Variants in GCLC observed in about 807,000 individuals in gnomAD.
GCLC encodes glutamate-cysteine ligase catalytic subunit.
GCLC carries 30 observed loss-of-function variants against 81.5 expected under a neutral mutation model. That is an observed-to-expected ratio of 0.37 (90% CI 0.28 to 0.50). The LOEUF (loss-of-function observed/expected upper bound fraction) is 0.50, where lower values mean the gene tolerates loss of function less well. Ranked by LOEUF, GCLC falls within the 20% of genes least tolerant of loss-of-function variation. The probability of loss-of-function intolerance (pLI) is 0.96; values close to 1 mark genes in which losing one functional copy is unlikely to be tolerated. For missense variants in GCLC, 556 were observed against 777.4 expected (o/e 0.72, Z 3.39); for synonymous variants, 262 against 273.3 (o/e 0.96, Z 0.41).
Position 53,498,819 on chromosome 6 carries a change from C to T in GCLC, c.1851G>A (p.Glu617=). The T allele has an allele frequency of 6.2e-7, 1 of 1,613,548 alleles. No individual in the cohort carries two copies. Among genetic ancestry groups the T allele is most frequent in the South Asian group, 1.1e-5 (1 of 91,070 alleles). ...CTTTCCTAAATGCTGATCCAAGTAA[C>T]TCTGGGCATTCACATAATTCATTTG... The part of the protein sequence containing the change: ...QIANELCECP[E]LLGSAFRKVK... Residue 617 remains glutamate, a synonymous_variant, in exon 16 of 16, where the codon GAG becomes GAA. Coordinates refer to ENST00000650454, the MANE Select transcript of GCLC (RefSeq NM_001498.4).
chr6:53,520,306 G>A (rs1452288402), intron 3 of GCLC, among the ~76,000 whole-genome samples: 1 of 152,184 alleles, frequency 6.6e-6, no homozygotes, highest in Non-Finnish European at 1.5e-5. Flanking sequence ...AGTGCTTTGG[G>A]AGCACTGCAG....
intron 1 of GCLC, among the ~76,000 whole-genome samples, chr6:53,524,339 A>G (rs1164654952): frequency 2.0e-5 from 3 of 152,206 alleles, no homozygotes; most frequent in Non-Finnish European, 4.4e-5. Context: ...GAGGGTGCCA[A>G]TCTTGGTAAG....
At chr6:53,533,217 G>A (rs6934367) in intron 1 of GCLC, among the ~76,000 whole-genome samples, 25,230 of 152,104 alleles carry the variant, frequency 0.17, 3,107 homozygotes, top group Admixed American at 0.33. Flanking sequence ...TCCCAGTGCA[G>A]GCCTGTCTCC....
At chr6:53,499,577 G>A (rs989228676) in intron 15 of GCLC, among the ~76,000 whole-genome samples, 2 of 152,138 alleles carry the variant, frequency 1.3e-5, no homozygotes, top group Admixed American at 1.3e-4. Context: ...GCCAAGTACT[G>A]TGTTAGCAGT....
At position 53,500,537 on chromosome 6, in the gene GCLC, C is replaced by T. The variant is rs376800063; in HGVS notation, c.1396-24G>A. On this transcript the variant is annotated intron_variant, in intron 12 of 15. Coordinates refer to ENST00000650454, the MANE Select transcript of GCLC (RefSeq NM_001498.4). ...ACCTAAGGGAAAAAAAGAATCACGA[C>T]TAAGTCAAAATATTCTTGATCAGAC... is the stretch of plus-strand genomic sequence containing the variant. The T allele has an allele frequency of 1.2e-5, 18 of 1,513,232 alleles. No individual in the cohort carries two copies. The African/African-American group carries it at 1.8e-4, about 15-fold the overall frequency. 93.7% of individuals were successfully genotyped at this position (1,513,232 alleles called of 1,614,324 possible).
chr6:53,525,629 A>G (rs183641980), intron 1 of GCLC, among the ~76,000 whole-genome samples: 1 of 152,326 alleles, frequency 6.6e-6, no homozygotes, highest in East Asian at 1.9e-4. Flanking sequence ...TAGGCTGTAA[A>G]CCCAGAATTG....
rs550444609 is a variant in GCLC at position 53,538,996 on chromosome 6, C to A, written c.150+5500G>T. ...ACCTGGAGTCAGACAGATTTCAATG[C>A]TGATGATATGTCTGCCACTAAGTAG... On this transcript the variant is annotated intron_variant, in intron 1 of 15. Coordinates refer to ENST00000650454, the MANE Select transcript of GCLC (RefSeq NM_001498.4). Among the ~76,000 whole-genome samples, 381 of 152,314 alleles carry A rather than the reference C, an allele frequency of 2.5e-3. 3 individuals carry two copies. Among genetic ancestry groups the A allele is most frequent in the African/African-American group, 8.8e-3 (364 of 41,562 alleles).
At chr6:53,530,000 T>C (rs1483168237) in intron 1 of GCLC, among the ~76,000 whole-genome samples, 1 of 152,270 alleles carries the variant, frequency 6.6e-6, no homozygotes, top group African/African-American at 2.4e-5. Context: ...ATGTTATAAA[T>C]TAGGCTGCCC....
rs1170376170 is a variant in GCLC at position 53,497,870 on chromosome 6, A to G, written c.*886T>C. 1 of 152,518 alleles carries G rather than the reference A, an allele frequency of 6.6e-6. No individual in the cohort carries two copies. The highest frequency in any genetic ancestry group is 1.5e-5 in the Non-Finnish European group (1 of 68,014). 9.4% of individuals were successfully genotyped at this position (152,518 alleles called of 1,614,324 possible). A position where few individuals can be genotyped will look rare whatever the true frequency, so the allele number is the denominator to read the frequency against. ...CAGTATGCTTAACTAAAAACTAAAG[A>G]GTGACAAAACTGTATACAGCAGCAA... On this transcript the variant is annotated 3_prime_UTR_variant, in exon 16 of 16. Transcript: ENST00000650454.
At position 53,544,413 on chromosome 6, in the gene GCLC, G is replaced by T; in HGVS notation, c.150+83C>A. The T allele has an allele frequency of 2.1e-6, 3 of 1,455,310 alleles. No homozygotes were observed. In the South Asian group the frequency reaches 3.5e-5, roughly 17 times the overall value. The allele number at this position is 1,455,310 out of a possible 1,614,324, so 90.1% of individuals were successfully genotyped here. On this transcript the variant is annotated intron_variant, in intron 1 of 15. Coordinates refer to ENST00000650454, the MANE Select transcript of GCLC (RefSeq NM_001498.4). ...CAGTGGAGAACGCGGACCGCGATAG[G>T]GCCGGGGGCGTAGGGCAAGACAAAG...
At chr6:53,518,665 C>A (rs967494323) in intron 3 of GCLC, among the ~76,000 whole-genome samples, 1 of 152,154 alleles carries the variant, frequency 6.6e-6, no homozygotes, top group African/African-American at 2.4e-5. Flanking sequence ...CACCACTGCC[C>A]ATCAATCCTA....
intron 1 of GCLC, among the ~76,000 whole-genome samples, chr6:53,525,576 C>A (rs1001262336): frequency 2.0e-5 from 3 of 152,124 alleles, no homozygotes; most frequent in African/African-American, 7.2e-5. Flanking sequence ...AACACTGATT[C>A]CAAGGATAAA....
intron 1 of GCLC, among the ~76,000 whole-genome samples, chr6:53,541,177 A>G (rs1763347582): frequency 6.6e-6 from 1 of 152,158 alleles, no homozygotes; most frequent in Non-Finnish European, 1.5e-5. Context: ...AGATCACGTC[A>G]TGCACTCCAG....
chr6:53,541,920 T>G (rs992444666), intron 1 of GCLC, among the ~76,000 whole-genome samples: 1 of 152,068 alleles, frequency 6.6e-6, no homozygotes, highest in Non-Finnish European at 1.5e-5. Flanking sequence ...CAGACTAGAG[T>G]GCAGTTGAAC....
intron 4 of GCLC, among the ~76,000 whole-genome samples, 168 bp downstream of exon 4, chr6:53,515,941 G>T (rs1581736598): frequency 6.6e-6 from 1 of 152,172 alleles, no homozygotes; most frequent in Non-Finnish European, 1.5e-5. Context: ...AAGCCTGGGG[G>T]TACTGAAGAT....
At chr6:53,530,490 G>C (rs1010946035) in intron 1 of GCLC, among the ~76,000 whole-genome samples, 8 of 152,136 alleles carry the variant, frequency 5.3e-5, no homozygotes, top group African/African-American at 1.9e-4. Flanking sequence ...TTCTGATTCT[G>C]GCCTGCTACC....
chr6:53,517,262 T>G (rs1242276999), intron 3 of GCLC, among the ~76,000 whole-genome samples: 2 of 130,220 alleles, frequency 1.5e-5, no homozygotes, highest in African/African-American at 3.0e-5. Context: ...TTTTTTTTTT[T>G]TTTTTTTTTT....
chr6:53,517,259 T>TTTG (rs1764897531), intron 3 of GCLC, among the ~76,000 whole-genome samples: 4 of 90,792 alleles, frequency 4.4e-5, no homozygotes, highest in Admixed American at 3.9e-4. Flanking sequence ...GTTTTTTTTT[T>TTTG]TTTTTTTTTT....
chr6:53,538,358 G>A (rs1388190018), intron 1 of GCLC, among the ~76,000 whole-genome samples: 1 of 145,056 alleles, frequency 6.9e-6, no homozygotes, highest in Admixed American at 7.1e-5. Context: ...ATGCAGTCTC[G>A]CTCTGCCGCC....
Sources: allele counts gnomAD v4.1 joint callset (sites outside exome capture counted in the v4.1 genomes callset), GRCh38; gene constraint gnomAD v4.1.1; transcripts MANE v1.5; gene names NCBI Gene and HGNC (gene_info 2026-07-23, HGNC 2026-07-21).